The following GALNTL6 variants were observed in gnomAD, a reference collection of about 807,000 sequenced individuals.
GALNTL6 encodes polypeptide N-acetylgalactosaminyltransferase-like 6.
A neutral mutation model predicts 73.7 loss-of-function variants in GALNTL6; 46 were observed. The ratio of observed to expected loss-of-function variants is 0.62; its 90% CI spans 0.49 to 0.80. The LOEUF is 0.80. GALNTL6 is among the 30% of genes least tolerant of loss of function. GALNTL6 has a pLI of 0.00. For missense variants in GALNTL6, 604 were observed against 755.0 expected (o/e 0.80, Z 2.34); for synonymous variants, 259 against 263.7 (o/e 0.98, Z 0.17).
intron 2 of GALNTL6, among the ~76,000 whole-genome samples, chr4:171,973,936 T>C (rs1739643592): frequency 6.6e-6 from 1 of 152,222 alleles, no homozygotes; most frequent in Admixed American, 6.5e-5. Context: ...AAATTCTGTT[T>C]TAGACTATAA....
At chr4:172,538,836 C>T (rs1270550404) in intron 5 of GALNTL6, among the ~76,000 whole-genome samples, 3 of 152,180 alleles carry the variant, frequency 2.0e-5, no homozygotes, top group East Asian at 1.9e-4. Context: ...ATAGAAGTGA[C>T]AAACAGCCAG....
At position 172,527,118 on chromosome 4, in the gene GALNTL6, A is replaced by G. The variant is rs118018581; in HGVS notation, c.553+178429A>G. On this transcript the variant is annotated intron_variant, in intron 5 of 12. Coordinates refer to ENST00000506823, the MANE Select transcript of GALNTL6 (RefSeq NM_001034845.3). ...AGATCTGGAGTCTAGCATTGTAAGA[A>G]CAACATGCAAGGTAAATCAGGTAAT... Among the ~76,000 whole-genome samples the G allele has an allele frequency of 2.0e-5, 3 of 152,332 alleles. No individual in the cohort carries two copies. In the East Asian group the frequency reaches 5.8e-4, roughly 29 times the overall value.
intron 7 of GALNTL6, among the ~76,000 whole-genome samples, chr4:172,876,992 C>T (rs1001820285): frequency 6.6e-6 from 1 of 152,024 alleles, no homozygotes; most frequent in African/African-American, 2.4e-5. Context: ...GAAACTGTGC[C>T]GTTTCATTGC....
intron 4 of GALNTL6, among the ~76,000 whole-genome samples, chr4:172,321,888 T>C (rs943719778): frequency 2.0e-5 from 3 of 152,142 alleles, no homozygotes; most frequent in Admixed American, 6.5e-5. Flanking sequence ...GGAAAGGCAG[T>C]CTTCTAAGAG....
chr4:172,162,540 G>A (rs1392863876), intron 2 of GALNTL6, among the ~76,000 whole-genome samples: 1 of 151,816 alleles, frequency 6.6e-6, no homozygotes, highest in Non-Finnish European at 1.5e-5. Context: ...AGGGGGTCAC[G>A]AGGAAACCTC....
intron 2 of GALNTL6, among the ~76,000 whole-genome samples, chr4:172,047,138 C>T (rs967868887): frequency 2.6e-5 from 4 of 152,138 alleles, no homozygotes; most frequent in African/African-American, 9.6e-5. Flanking sequence ...CTTGCGCTCA[C>T]TTCCTTTAAT....
At chr4:173,003,555 A>G (rs1436902106) in intron 10 of GALNTL6, among the ~76,000 whole-genome samples, 1 of 152,202 alleles carries the variant, frequency 6.6e-6, no homozygotes, top group African/African-American at 2.4e-5. Flanking sequence ...ACATTTACTG[A>G]CCACTTGCAA....
intron 12 of GALNTL6, among the ~76,000 whole-genome samples, chr4:173,031,899 C>T (rs1032682863): frequency 4.6e-5 from 7 of 152,286 alleles, no homozygotes; most frequent in African/African-American, 1.7e-4. Flanking sequence ...CTATCCAGAT[C>T]AGAAGGGTGA....
intron 5 of GALNTL6, among the ~76,000 whole-genome samples, chr4:172,758,293 G>C (rs2110811707): frequency 6.6e-6 from 1 of 152,294 alleles, no homozygotes; most frequent in Non-Finnish European, 1.5e-5. Flanking sequence ...CCAGCATTTT[G>C]AGAGGCCAAG....
At chr4:172,149,313 C>T (rs895934285) in intron 2 of GALNTL6, among the ~76,000 whole-genome samples, 5 of 152,090 alleles carry the variant, frequency 3.3e-5, no homozygotes, top group Admixed American at 3.3e-4. Flanking sequence ...CAGTCTGGGT[C>T]TGGTTAAAAA....
chr4:172,768,699 G>A (rs1560939815), intron 5 of GALNTL6, among the ~76,000 whole-genome samples: 1 of 152,196 alleles, frequency 6.6e-6, no homozygotes, highest in African/African-American at 2.4e-5. Context: ...ACTGGTGGGT[G>A]TGTGACTTGT....
chr4:172,597,334 C>G (rs1737892504), intron 5 of GALNTL6, among the ~76,000 whole-genome samples: 1 of 152,056 alleles, frequency 6.6e-6, no homozygotes, highest in African/African-American at 2.4e-5. Flanking sequence ...TATAGTGGAG[C>G]CTGTGATATG....
chr4:172,976,460 C>G (rs536048377), intron 10 of GALNTL6, among the ~76,000 whole-genome samples: 16 of 152,306 alleles, frequency 1.1e-4, no homozygotes, highest in African/African-American at 3.6e-4. Flanking sequence ...TGCAGGGGTA[C>G]TCAGCTGCAT....
At chr4:172,271,324 T>C (rs1443460946) in intron 3 of GALNTL6, among the ~76,000 whole-genome samples, 1 of 152,160 alleles carries the variant, frequency 6.6e-6, no homozygotes, top group Non-Finnish European at 1.5e-5. Context: ...TCAAGAAATG[T>C]CCATTCTTTA....
chr4:172,327,842 T>C (rs2111175411), intron 4 of GALNTL6, among the ~76,000 whole-genome samples: 1 of 152,272 alleles, frequency 6.6e-6, no homozygotes, highest in Middle Eastern at 3.4e-3. Flanking sequence ...GCTTTTTTTA[T>C]ACAGCTTGCC....
chr4:172,410,971 T>C (rs916516734), intron 5 of GALNTL6, among the ~76,000 whole-genome samples: 18 of 152,162 alleles, frequency 1.2e-4, no homozygotes, highest in African/African-American at 4.1e-4. Context: ...CTTTTCACTT[T>C]AGGCAAAACA....
At chr4:172,158,050 T>C (rs1249907447) in intron 2 of GALNTL6, among the ~76,000 whole-genome samples, 2 of 152,162 alleles carry the variant, frequency 1.3e-5, no homozygotes, top group Non-Finnish European at 2.9e-5. Flanking sequence ...CAGGTTCATC[T>C]AGGAAAAACT....
At chr4:172,780,160 C>G (rs1355842462) in intron 5 of GALNTL6, among the ~76,000 whole-genome samples, 1 of 150,952 alleles carries the variant, frequency 6.6e-6, no homozygotes, top group East Asian at 1.9e-4. Flanking sequence ...TAGTGAAGCT[C>G]TGGAAAAAAG....
intron 5 of GALNTL6, among the ~76,000 whole-genome samples, chr4:172,685,953 CA>C (rs962197284): frequency 6.6e-6 from 1 of 152,164 alleles, no homozygotes; most frequent in African/African-American, 2.4e-5. Context: ...AGATATTAAA[CA>C]TAAGGATAAC....
Sources: gnomAD v4.1 joint callset for allele counts (sites outside exome capture counted in the v4.1 genomes callset) on GRCh38, gnomAD v4.1.1 for gene constraint, MANE v1.5 for transcripts, NCBI Gene and HGNC (gene_info 2026-07-23, HGNC 2026-07-21) for gene names.